ARHGAP24: variants seen among roughly 807,000 people sequenced by gnomAD.
The protein encoded by ARHGAP24 is rho GTPase-activating protein 24.
Under a neutral mutation model 76.4 loss-of-function variants are expected in ARHGAP24, and 50 were observed. The observed-to-expected ratio is 0.65, with a 90% CI of 0.52 to 0.83. The LOEUF is 0.83. Ranked by LOEUF, ARHGAP24 falls within the 40% of genes least tolerant of loss-of-function variation. ARHGAP24 has a pLI of 0.00. For missense variants in ARHGAP24, 930 were observed against 914.2 expected (o/e 1.02, Z -0.22); for synonymous variants, 345 against 323.3 (o/e 1.07, Z -0.72).
At chr4:85,732,945 G>T (rs2110053635) in intron 3 of ARHGAP24, among the ~76,000 whole-genome samples, 1 of 150,698 alleles carries the variant, frequency 6.6e-6, no homozygotes, top group East Asian at 1.9e-4. Flanking sequence ...TGATGCACCT[G>T]CCTCGGCCTC....
intron 3 of ARHGAP24, among the ~76,000 whole-genome samples, chr4:85,904,317 G>T (rs1734657836): frequency 6.6e-6 from 1 of 152,114 alleles, no homozygotes; most frequent in Non-Finnish European, 1.5e-5. Context: ...GAGAGTGGGG[G>T]ATGGAGTGGA....
At chr4:85,542,248 T>A (rs562173995) in intron 1 of ARHGAP24, among the ~76,000 whole-genome samples, 8 of 152,214 alleles carry the variant, frequency 5.3e-5, no homozygotes, top group Non-Finnish European at 7.3e-5. Context: ...AGTAAGAATA[T>A]CCTTGGGAAA....
chr4:85,737,443 A>G (rs1220828730), intron 3 of ARHGAP24, among the ~76,000 whole-genome samples: 1 of 152,228 alleles, frequency 6.6e-6, no homozygotes, highest in Non-Finnish European at 1.5e-5. Context: ...AATTGTTCAT[A>G]GGAAACTCTA....
At chr4:85,901,938 A>G (rs945974639) in intron 3 of ARHGAP24, among the ~76,000 whole-genome samples, 1 of 152,006 alleles carries the variant, frequency 6.6e-6, no homozygotes, top group South Asian at 2.1e-4. Context: ...TAAGCCCCGC[A>G]TGCATTAGGT....
chr4:85,812,487 C>T lies in ARHGAP24; in HGVS notation c.268+90515C>T, dbSNP rs1729057664. Among the ~76,000 whole-genome samples the T allele has an allele frequency of 1.3e-5, 2 of 151,784 alleles. 1 individual carries two copies. The highest frequency in any genetic ancestry group is 4.2e-4 in the South Asian group (2 of 4,804). ...ATTCAGAATCTAGATAAAATCTAAC[C>T]CAACATTTGAAACTCTAACCCAGAG... is the stretch of plus-strand genomic sequence containing the variant. On this transcript the variant is annotated intron_variant, in intron 3 of 9. Coordinates refer to ENST00000395184, the MANE Select transcript of ARHGAP24 (RefSeq NM_001025616.3).
At chr4:85,659,268 A>AT (rs1406553253) in intron 2 of ARHGAP24, among the ~76,000 whole-genome samples, 8 of 152,374 alleles carry the variant, frequency 5.3e-5, no homozygotes, top group Non-Finnish European at 7.3e-5. Flanking sequence ...CAGTAACAGA[A>AT]TGAGGGCGCT....
At chr4:85,723,064 A>T (rs1725015895) in intron 3 of ARHGAP24, among the ~76,000 whole-genome samples, 1 of 152,172 alleles carries the variant, frequency 6.6e-6, no homozygotes, top group African/African-American at 2.4e-5. Flanking sequence ...AACATATTTT[A>T]AGAAACCTGA....
intron 1 of ARHGAP24, among the ~76,000 whole-genome samples, chr4:85,533,863 G>C (rs1725364619): frequency 6.6e-6 from 1 of 152,044 alleles, no homozygotes; most frequent in South Asian, 2.1e-4. Context: ...AAAACTCCTA[G>C]AAAGATTCTA....
Position 85,870,018 on chromosome 4 carries a change from G to A in ARHGAP24, c.269-53630G>A, listed in dbSNP as rs371690463. ...CCTTAATTTCATCATCTGTAAAATG[G>A]GCCTGACAATAATAGTAGCTACCTA... On this transcript the variant is annotated intron_variant, in intron 3 of 9. Coordinates refer to ENST00000395184, the MANE Select transcript of ARHGAP24 (RefSeq NM_001025616.3). 9.9e-5 allele frequency among the ~76,000 whole-genome samples: 15 copies of A among 152,152 alleles called. No individual in the cohort carries two copies. The East Asian group carries it at 1.5e-3, about 16-fold the overall frequency.
chr4:85,928,701 A>G (rs1736156645), intron 4 of ARHGAP24, among the ~76,000 whole-genome samples: 2 of 152,026 alleles, frequency 1.3e-5, no homozygotes, highest in Non-Finnish European at 2.9e-5. Flanking sequence ...ACCTCAGGTG[A>G]TCCACCCGCC....
At chr4:85,482,379 A>T (rs186285306) in intron 1 of ARHGAP24, among the ~76,000 whole-genome samples, 59 of 152,312 alleles carry the variant, frequency 3.9e-4, no homozygotes, top group African/African-American at 1.4e-3. Flanking sequence ...TCATCGTGGG[A>T]TAACTTTTCA....
chr4:85,695,553 A>G (rs1723836537), intron 2 of ARHGAP24, among the ~76,000 whole-genome samples: 1 of 152,224 alleles, frequency 6.6e-6, no homozygotes, highest in African/African-American at 2.4e-5. Flanking sequence ...CCATTGTCAT[A>G]GCAAATGTGA....
chr4:85,571,850 T>C (rs1178828964), intron 2 of ARHGAP24, among the ~76,000 whole-genome samples: 1 of 152,238 alleles, frequency 6.6e-6, no homozygotes, highest in African/African-American at 2.4e-5. Flanking sequence ...CCAAGGTTTA[T>C]GTGTAATGCA....
chr4:85,850,377 T>C (rs1451367557), intron 3 of ARHGAP24, among the ~76,000 whole-genome samples: 1 of 152,198 alleles, frequency 6.6e-6, no homozygotes, highest in Non-Finnish European at 1.5e-5. Flanking sequence ...CTATCAATTT[T>C]GTTGATCTTT....
At chr4:85,567,989 T>C (rs1424280352) in intron 1 of ARHGAP24, among the ~76,000 whole-genome samples, 3 of 152,156 alleles carry the variant, frequency 2.0e-5, no homozygotes, top group Non-Finnish European at 4.4e-5. Context: ...ATCATAAAAA[T>C]ATAGGCATTA....
chr4:85,922,766 C>T (rs759380927), intron 3 of ARHGAP24, among the ~76,000 whole-genome samples: 1 of 152,024 alleles, frequency 6.6e-6, no homozygotes, highest in Non-Finnish European at 1.5e-5. Context: ...TATGGTTATC[C>T]CTGTTTTGTA....
chr4:85,543,553 T>C (rs72654072), intron 1 of ARHGAP24, among the ~76,000 whole-genome samples: 9,937 of 152,328 alleles, frequency 0.065, 425 homozygotes, highest in Non-Finnish European at 0.09. Flanking sequence ...ATGATAAAAC[T>C]ACTACTAACT....
intron 2 of ARHGAP24, among the ~76,000 whole-genome samples, chr4:85,709,865 T>A (rs985700965): frequency 1.3e-5 from 2 of 151,686 alleles, no homozygotes; most frequent in Non-Finnish European, 2.9e-5. Flanking sequence ...GAAATCAGAG[T>A]TGATACAAAC....
In ARHGAP24 at chr4:85,890,151, C is replaced by T. The variant is rs148210905; in HGVS notation, c.269-33497C>T. On this transcript the variant is annotated intron_variant, in intron 3 of 9. Transcript: ENST00000395184. ...CTGTTGAGGACAATCAGCGCCTTTC[C>T]TCTTAGCTATCAGTTAACAATGACA... Among the ~76,000 whole-genome samples, 246 of 152,244 alleles carry T rather than the reference C, an allele frequency of 1.6e-3. 1 individual carries two copies. Among genetic ancestry groups the T allele is most frequent in the African/African-American group, 5.1e-3 (212 of 41,552 alleles).
Sources: allele counts gnomAD v4.1 joint callset (sites outside exome capture counted in the v4.1 genomes callset), GRCh38; gene constraint gnomAD v4.1.1; transcripts MANE v1.5; gene names NCBI Gene and HGNC (gene_info 2026-07-23, HGNC 2026-07-21).